AKAP13: variants seen among roughly 807,000 people sequenced by gnomAD.
The protein encoded by AKAP13 is A-kinase anchor protein 13.
A neutral mutation model predicts 264.5 loss-of-function variants in AKAP13; 80 were observed. The ratio of observed to expected loss-of-function variants is 0.30; its 90% CI spans 0.25 to 0.36. AKAP13 has a LOEUF of 0.36. Ranked by LOEUF, AKAP13 falls within the 10% of genes least tolerant of loss-of-function variation. AKAP13 has a pLI of 1.00. For synonymous variants in AKAP13, 1,380 were observed against 1,250.2 expected (o/e 1.10, Z -2.19); for missense variants, 3,712 against 3,435.2 (o/e 1.08, Z -2.01).
intron 1 of AKAP13, among the ~76,000 whole-genome samples, chr15:85,449,752 A>G (rs2074019128): frequency 2.0e-5 from 3 of 152,122 alleles, no homozygotes; most frequent in African/African-American, 7.2e-5. Context: ...CCAACTTGCA[A>G]CTGGGGATGA....
At chr15:85,618,452 CT>C (rs35032696) in intron 8 of AKAP13, among the ~76,000 whole-genome samples, 92,436 of 149,098 alleles carry the variant, frequency 0.62, 28,471 homozygotes, top group Middle Eastern at 0.73. Flanking sequence ...AAGAGAAATC[CT>C]TTTTTTTTTT....
rs1420745618 is a variant in AKAP13, at chr15:85,746,405, G to A, written c.*1728G>A. 1.3e-5 allele frequency: 2 copies of A among 152,090 alleles called. No homozygotes were observed. Among genetic ancestry groups the A allele is most frequent in the Non-Finnish European group, 2.9e-5 (2 of 68,024 alleles). The allele number at this position is 152,090 out of a possible 1,614,324, so 9.4% of individuals were successfully genotyped here. A position where few individuals can be genotyped will look rare whatever the true frequency, so the allele number is the denominator to read the frequency against. On this transcript the variant is annotated 3_prime_UTR_variant, in exon 37 of 37. Transcript: ENST00000394518. ...TGGCAGCCAGCACTGTTCACTCTGT[G>A]TCTTTTGAAGTGCCTTGAAGGCCCA...
intron 17 of AKAP13, among the ~76,000 whole-genome samples, chr15:85,696,527 A>T (rs1442157018): frequency 6.6e-6 from 1 of 152,054 alleles, no homozygotes; most frequent in Non-Finnish European, 1.5e-5. Context: ...GTTCCAAGGG[A>T]TTGTTTTTTA....
chr15:85,402,254 C>G (rs2071460750), intron 1 of AKAP13, among the ~76,000 whole-genome samples: 1 of 152,156 alleles, frequency 6.6e-6, no homozygotes, highest in African/African-American at 2.4e-5. Context: ...TTCCACTTTC[C>G]TCTAGTTTAT....
chr15:85,530,067 G>T, intron 3 of AKAP13, among the ~76,000 whole-genome samples: 1 of 152,062 alleles, frequency 6.6e-6, no homozygotes, highest in East Asian at 1.9e-4. Flanking sequence ...GTTATACACA[G>T]AGCTGACAGT....
At chr15:85,511,259 T>G (rs2062234) in intron 2 of AKAP13, among the ~76,000 whole-genome samples, 1 of 152,062 alleles carries the variant, frequency 6.6e-6, no homozygotes, top group Non-Finnish European at 1.5e-5. Flanking sequence ...CTGGATCCAT[T>G]TCTTCTTACT....
chr15:85,431,745 A>G (rs2073032145), intron 1 of AKAP13, among the ~76,000 whole-genome samples: 1 of 152,240 alleles, frequency 6.6e-6, no homozygotes, highest in Non-Finnish European at 1.5e-5. Flanking sequence ...AACATTTTAA[A>G]GTGGTTTACA....
intron 17 of AKAP13, among the ~76,000 whole-genome samples, chr15:85,699,476 T>C (rs1391830152): frequency 1.3e-5 from 2 of 152,034 alleles, no homozygotes; most frequent in African/African-American, 2.4e-5. Context: ...TACAAAAATA[T>C]CTGAAAGGCT....
intron 1 of AKAP13, among the ~76,000 whole-genome samples, chr15:85,441,004 A>G (rs571311024): frequency 1.3e-5 from 2 of 152,324 alleles, no homozygotes; most frequent in African/African-American, 2.4e-5. Context: ...AACTGATGTC[A>G]TTGGTGTCAT....
intron 4 of AKAP13, among the ~76,000 whole-genome samples, chr15:85,538,242 A>G (rs1227457980): frequency 6.6e-6 from 1 of 152,144 alleles, no homozygotes; most frequent in African/African-American, 2.4e-5. Context: ...GGGAATCTTC[A>G]TTCTTATTTA....
intron 5 of AKAP13, 48 bp from the exon 6 acceptor site, chr15:85,575,083 C>T (rs1397645297): frequency 1.3e-6 from 2 of 1,578,614 alleles, no homozygotes; most frequent in Non-Finnish European, 8.7e-7. Context: ...TAAGCCTATG[C>T]CTGGGAGGCA....
At chr15:85,401,316 C>T (rs1052721480) in intron 1 of AKAP13, among the ~76,000 whole-genome samples, 15 of 151,750 alleles carry the variant, frequency 9.9e-5, no homozygotes, top group African/African-American at 2.9e-4. Context: ...CTGTTAGTTT[C>T]GTTATGAAGT....
At chr15:85,663,860 T>C (rs2083466508) in intron 12 of AKAP13, among the ~76,000 whole-genome samples, 1 of 152,226 alleles carries the variant, frequency 6.6e-6, no homozygotes, top group Admixed American at 6.5e-5. Context: ...CTGCCTTTGT[T>C]CCCTTTACCA....
At chr15:85,639,515 G>T (rs1295126265) in intron 9 of AKAP13, 66 bp downstream of exon 9, 6 of 1,157,256 alleles carry the variant, frequency 5.2e-6, no homozygotes, top group Non-Finnish European at 7.8e-6. Context: ...GTTTTATTTG[G>T]AGATCTGCCC....
intron 1 of AKAP13, among the ~76,000 whole-genome samples, chr15:85,413,525 G>A (rs2072084781): frequency 6.6e-6 from 1 of 152,204 alleles, no homozygotes; most frequent in South Asian, 2.1e-4. Flanking sequence ...TCAGGTGAAG[G>A]TGAAGAGAAT....
chr15:85,458,379 ATTTTTTG>A (rs1394724996), intron 1 of AKAP13, among the ~76,000 whole-genome samples: 6 of 107,534 alleles, frequency 5.6e-5, no homozygotes, highest in South Asian at 2.7e-4. Flanking sequence ...CTTTTTTTGT[ATTTTTTG>A]TTTTTTGTTT....
chr15:85,415,267 T>C lies in AKAP13; in HGVS notation c.-12+34469T>C, dbSNP rs2150882548. On this transcript the variant is annotated intron_variant, in intron 1 of 36. Transcript: ENST00000394518. ...CAGCTGGAAGGAAGATGGCGCCTGG[T>C]GGACAGCAGAGGCTTTGATGAATAT... 5.1e-6 allele frequency: 8 copies of C among 1,579,480 alleles called. No individual in the cohort carries two copies. The East Asian group carries it at 1.6e-4, about 31-fold the overall frequency.
At chr15:85,420,231 G>A (rs1181913849) in intron 1 of AKAP13, among the ~76,000 whole-genome samples, 4 of 151,534 alleles carry the variant, frequency 2.6e-5, no homozygotes, top group Non-Finnish European at 2.9e-5. Context: ...GTGAGCCACC[G>A]CGCCCGGCCT....
chr15:85,723,135 C>T lies in AKAP13; in HGVS notation c.6560C>T (p.Ala2187Val), dbSNP rs765668630. 6.2e-7 allele frequency: 1 copy of T among 1,614,138 alleles called. No homozygotes were observed. Residue 2187 changes from alanine to valine, a missense_variant, in exon 26 of 37, where the codon GCT becomes GTT. This residue lies in a region of AKAP13 where 342 missense variants were observed against 484.3 expected (regional missense o/e 0.71). Transcript: ENST00000394518. Reference protein sequence around the residue: ...SLSLVKDVIGAVDSKVASYEK... With the variant: ...SLSLVKDVIGVVDSKVASYEK... ...AGCCTGGTGAAGGATGTGATTGGAGCTGTAGACAGCAAAGTGGCAAGTTAT... is the reference window on the plus strand; with the variant it reads ...AGCCTGGTGAAGGATGTGATTGGAGTTGTAGACAGCAAAGTGGCAAGTTAT...
Sources: allele counts gnomAD v4.1 joint callset (sites outside exome capture counted in the v4.1 genomes callset), GRCh38; gene constraint gnomAD v4.1.1; regional missense constraint gnomAD v4.1.1; transcripts MANE v1.5; gene names NCBI Gene and HGNC (gene_info 2026-07-23, HGNC 2026-07-21).